The following HS1BP3 variants were observed in gnomAD, a reference collection of about 807,000 sequenced individuals.
The protein encoded by HS1BP3 is HCLS1-binding protein 3.
Under a neutral mutation model 33.5 loss-of-function variants are expected in HS1BP3, and 32 were observed. The ratio of observed to expected loss-of-function variants is 0.95; its 90% CI spans 0.72 to 1.28. The LOEUF (loss-of-function observed/expected upper bound fraction) is 1.28, where lower values mean the gene tolerates loss of function less well. HS1BP3 is among the 50% of genes most tolerant of loss of function. The probability of loss-of-function intolerance (pLI) is 0.00; values close to 1 mark genes in which losing one functional copy is unlikely to be tolerated. For synonymous variants in HS1BP3, 187 were observed against 209.2 expected (o/e 0.89, Z 0.92); for missense variants, 486 against 502.3 (o/e 0.97, Z 0.31).
At chr2:20,644,714 G>A (rs78596572) in intron 2 of HS1BP3, among the ~76,000 whole-genome samples, 6,680 of 152,178 alleles carry the variant, frequency 0.044, 176 homozygotes, top group Non-Finnish European at 0.073. Flanking sequence ...CACCTGTTTT[G>A]TTCCTTCCAA....
At position 20,641,194 on chromosome 2, in the gene HS1BP3, A is replaced by G; in HGVS notation, c.199-14T>C. On this transcript the variant is annotated splice_polypyrimidine_tract_variant and intron_variant, in intron 2 of 6. Coordinates refer to ENST00000304031, the MANE Select transcript of HS1BP3 (RefSeq NM_022460.4). ...CTTTTTGGAGACCTGGAATGAGAGG[A>G]GCATGTGGTTTCCTGAGTGAAGAGT... 1.3e-6 allele frequency: 2 copies of G among 1,597,796 alleles called. No individual in the cohort carries two copies. The highest frequency in any genetic ancestry group is 1.7e-6 in the Non-Finnish European group (2 of 1,177,090).
At chr2:20,631,986 T>G (rs73237114) in intron 4 of HS1BP3, among the ~76,000 whole-genome samples, 1 of 152,190 alleles carries the variant, frequency 6.6e-6, no homozygotes, top group African/African-American at 2.4e-5. Context: ...ATGGCCAAGA[T>G]TTGATCAATA....
chr2:20,569,398 G>T (rs1006587601), intron 5 of HS1BP3, among the ~76,000 whole-genome samples: 1 of 152,184 alleles, frequency 6.6e-6, no homozygotes, highest in Non-Finnish European at 1.5e-5. Context: ...ACAGACTGTG[G>T]CTGCCTCTCA....
chr2:20,573,406 T>C (rs184497180), intron 5 of HS1BP3, among the ~76,000 whole-genome samples: 48 of 152,332 alleles, frequency 3.2e-4, no homozygotes, highest in African/African-American at 1.2e-3. Flanking sequence ...CAACCCGTGG[T>C]ACTTTGAGTC....
chr2:20,603,503 A>G (rs1265101654), intron 2 of HS1BP3, among the ~76,000 whole-genome samples: 1 of 152,216 alleles, frequency 6.6e-6, no homozygotes, highest in Non-Finnish European at 1.5e-5. Context: ...CACATATTAC[A>G]TTATCCCATA....
intron 5 of HS1BP3, among the ~76,000 whole-genome samples, chr2:20,575,579 C>T (rs918979347): frequency 2.0e-5 from 3 of 152,230 alleles, no homozygotes; most frequent in African/African-American, 7.2e-5. Context: ...TCCCTGGAGG[C>T]CCCGCCACAT....
intron 3 of HS1BP3, chr2:20,640,503 T>C (rs961731932): frequency 1.4e-5 from 5 of 367,516 alleles, no homozygotes; most frequent in Non-Finnish European, 2.4e-5. Context: ...CCCATGACCC[T>C]CTCTGTGGGG....
intron 4 of HS1BP3, among the ~76,000 whole-genome samples, chr2:20,627,904 C>A (rs1251019094): frequency 6.6e-6 from 1 of 152,070 alleles, no homozygotes; most frequent in African/African-American, 2.4e-5. Context: ...TGAGAGGATG[C>A]GCGATGGATG....
At position 20,641,679 on chromosome 2, in the gene HS1BP3, C is replaced by T. The variant is rs551975402; in HGVS notation, c.199-499G>A. Among the ~76,000 whole-genome samples the T allele has an allele frequency of 1.4e-4, 22 of 152,346 alleles. No individual in the cohort carries two copies. In the South Asian group the frequency reaches 4.4e-3, roughly 30 times the overall value. ...AGATATTTCCAAGGCTTGTTCTCTGCCCTGCGTCAGGCAGGACCTCTCTGC... is the reference window on the plus strand; with the variant it reads ...AGATATTTCCAAGGCTTGTTCTCTGTCCTGCGTCAGGCAGGACCTCTCTGC... On this transcript the variant is annotated intron_variant, in intron 2 of 6. Transcript: ENST00000304031.
downstream of HS1BP3, among the ~76,000 whole-genome samples, chr2:20,615,792 G>T (rs1162516474): frequency 6.6e-6 from 1 of 152,242 alleles, no homozygotes; most frequent in Non-Finnish European, 1.5e-5. Context: ...CCAGAGAGTG[G>T]CTGGACTTTG....
At chr2:20,626,058 C>T (rs1324429058) in intron 4 of HS1BP3, among the ~76,000 whole-genome samples, 1 of 152,188 alleles carries the variant, frequency 6.6e-6, no homozygotes, top group Non-Finnish European at 1.5e-5. Flanking sequence ...ACTGAGGTCA[C>T]TATGTGAGGT....
intron 5 of HS1BP3, among the ~76,000 whole-genome samples, chr2:20,571,442 G>A (rs918823330): frequency 3.9e-5 from 6 of 152,148 alleles, no homozygotes; most frequent in Non-Finnish European, 7.4e-5. Context: ...TCTTCCTGCC[G>A]AACACTCCCC....
the HS1BP3 span, among the ~76,000 whole-genome samples, chr2:20,555,361 G>A: frequency 2.0e-5 from 3 of 152,216 alleles, no homozygotes; most frequent in South Asian, 2.1e-4. Flanking sequence ...GAAGGAAACT[G>A]TGGGGTCCTT....
At chr2:20,585,697 G>A (rs974954600) in intron 5 of HS1BP3, among the ~76,000 whole-genome samples, 2 of 152,172 alleles carry the variant, frequency 1.3e-5, no homozygotes, top group Non-Finnish European at 2.9e-5. Flanking sequence ...AACCATTAAC[G>A]TCCTGCAGTG....
chr2:20,558,113 C>T (rs565282152), downstream of HS1BP3, among the ~76,000 whole-genome samples: 3 of 152,306 alleles, frequency 2.0e-5, no homozygotes, highest in African/African-American at 7.2e-5. Flanking sequence ...TTTAGTTGAG[C>T]GGGTTGCTTT....
At chr2:20,643,553 G>C (rs531219457) in intron 2 of HS1BP3, among the ~76,000 whole-genome samples, 1 of 152,188 alleles carries the variant, frequency 6.6e-6, no homozygotes, top group Non-Finnish European at 1.5e-5. Context: ...CTCACCAAGA[G>C]TCGGCCACAG....
intron 2 of HS1BP3, among the ~76,000 whole-genome samples, chr2:20,641,397 A>G (rs988701775): frequency 1.2e-4 from 18 of 152,318 alleles, no homozygotes; most frequent in Middle Eastern, 3.4e-3. Flanking sequence ...GCCCAGAGGA[A>G]AGATGCAATA....
At chr2:20,614,468 TGAG>T, downstream of HS1BP3, among the ~76,000 whole-genome samples, 1 of 152,314 alleles carries the variant, frequency 6.6e-6, no homozygotes, top group South Asian at 2.1e-4. Flanking sequence ...TAGTTGTGCC[TGAG>T]GTTCAGGCAG....
intron 6 of HS1BP3, 123 bp from the exon 7 acceptor site, chr2:20,619,368 G>A: frequency 1.2e-6 from 1 of 825,350 alleles, no homozygotes; most frequent in Non-Finnish European, 1.9e-6. Context: ...CCTCGGCCAG[G>A]TCAAGGCCCC....
Sources: gnomAD v4.1 joint callset for allele counts (sites outside exome capture counted in the v4.1 genomes callset) on GRCh38, gnomAD v4.1.1 for gene constraint, MANE v1.5 for transcripts, NCBI Gene and HGNC (gene_info 2026-07-23, HGNC 2026-07-21) for gene names.